DOC2B: variants seen among roughly 807,000 people sequenced by gnomAD.
DOC2B encodes the protein double C2-like domain-containing protein beta.
In DOC2B, 21 loss-of-function variants were observed where a neutral mutation model predicts 28.9. The ratio of observed to expected loss-of-function variants is 0.73; its 90% confidence interval spans 0.52 to 1.05. The LOEUF is 1.05. Among genes scored for constraint, DOC2B ranks in the 50% least tolerant of loss-of-function variants. The probability of loss-of-function intolerance (pLI) is 0.00; values close to 1 mark genes in which losing one functional copy is unlikely to be tolerated. For synonymous variants in DOC2B, 194 were observed against 178.1 expected, an observed-to-expected ratio of 1.09 and a Z score of -0.71; for missense variants, 384 against 421.1, an observed-to-expected ratio of 0.91 and a Z score of 0.77.
In DOC2B at chr17:162,087, G is replaced by A. The variant is rs1388828808; in HGVS notation, c.632C>T (p.Thr211Ile). The A allele has an allele frequency of 1.9e-6, 3 of 1,549,886 alleles. No homozygotes were observed. The highest frequency in any genetic ancestry group is 2.7e-5 in the African/African-American group (2 of 73,028). Reference sequence around the variant, plus strand: ...GCCTGGGACCCTCACCCACCGCAGGGTCTTGCGGATCATGTCTTCATCTGT... The same window carrying A: ...GCCTGGGACCCTCACCCACCGCAGGATCTTGCGGATCATGTCTTCATCTGT... ...GITDEDMIRK[T>I]LRISVCDEDK... The change falls in exon 4 of 9, where the codon ACC becomes ATC. Residue 211 changes from threonine (T) to isoleucine (I), a missense_variant. Transcript: ENST00000613549.
At position 181,624 on chromosome 17, in the gene DOC2B, G is replaced by A. The variant is rs2040446015; in HGVS notation, c.-145C>T. 2.8e-5 allele frequency: 6 copies of A among 216,398 alleles called. No homozygotes were observed. Among genetic ancestry groups the A allele is most frequent in the Non-Finnish European group, 4.6e-5 (6 of 129,346 alleles). The allele number at this position is 216,398 out of a possible 1,614,324, so 13.4% of individuals were successfully genotyped here. On this transcript the variant is annotated 5_prime_UTR_variant, in exon 1 of 9. Coordinates refer to ENST00000613549, the MANE Select transcript of DOC2B (RefSeq NM_003585.5). The surrounding 1 kb of genome is among the most constrained non-coding windows in gnomAD (Gnocchi z 7.0). ...GACGGCCCTGACTTGGCCGCTGCCC[G>A]CTCCGCTGCGGACGGCGCGAGCGAG...
At chr17:147,757 C>T (rs1315989944) in intron 8 of DOC2B, among the ~76,000 whole-genome samples, 180 bp from the exon 9 acceptor site, 4 of 152,236 alleles carry the variant, frequency 2.6e-5, no homozygotes, top group African/African-American at 4.8e-5. Flanking sequence ...GCCCAGCCAT[C>T]CTGTCTCTCT....
intron 6 of DOC2B, among the ~76,000 whole-genome samples, chr17:150,473 G>T (rs957337798): frequency 4.0e-5 from 6 of 150,084 alleles, no homozygotes; most frequent in Non-Finnish European, 8.9e-5. Context: ...ATTCTGCCCA[G>T]TTCCTCTCCA....
chr17:180,729 G>A (rs1252131205), intron 1 of DOC2B, among the ~76,000 whole-genome samples: 1 of 151,784 alleles, frequency 6.6e-6, no homozygotes, highest in Non-Finnish European at 1.5e-5. Context: ...GGCAGCAACT[G>A]GTGTCTCCCC....
intron 2 of DOC2B, among the ~76,000 whole-genome samples, chr17:165,904 A>G (rs2040257848): frequency 5.9e-5 from 9 of 152,192 alleles, no homozygotes; most frequent in Admixed American, 5.9e-4. Context: ...GTAGCTTAAA[A>G]TGTTTCCATT....
At chr17:173,631 C>T (rs918360147) in intron 1 of DOC2B, among the ~76,000 whole-genome samples, 4 of 152,130 alleles carry the variant, frequency 2.6e-5, no homozygotes, top group South Asian at 4.1e-4. Flanking sequence ...TCTGGTGAGC[C>T]GGGAGCCATG....
intron 5 of DOC2B, among the ~76,000 whole-genome samples, 195 bp from the exon 6 acceptor site, chr17:156,572 C>G (rs1555522570): frequency 6.6e-6 from 1 of 152,208 alleles, no homozygotes; most frequent in Non-Finnish European, 1.5e-5. Flanking sequence ...AGGGCTGGAT[C>G]TGACCCACAC....
intron 6 of DOC2B, among the ~76,000 whole-genome samples, chr17:150,455 T>C (rs2040060782): frequency 6.6e-6 from 1 of 152,074 alleles, no homozygotes; most frequent in African/African-American, 2.4e-5. Context: ...CACGCCCATG[T>C]CCAGCTTATT....
Position 157,687 on chromosome 17 carries a change from A to G in DOC2B, c.766-1310T>C, listed in dbSNP as rs572319773. Among the ~76,000 whole-genome samples, 9 of 152,128 alleles carry G rather than the reference A, an allele frequency of 5.9e-5. No homozygotes were observed. The East Asian group carries it at 1.5e-3, about 26-fold the overall frequency. On this transcript the variant is annotated intron_variant, in intron 5 of 8. Transcript: ENST00000613549. ...TCGAATTCCTGACCTCAAGTGATCC[A>G]CCCACCTCAGCCTCCTGAAGTGCTG...
In DOC2B at chr17:144,221, C is replaced by G. The variant is rs1297686677; in HGVS notation, c.*3220G>C. 21 of 152,116 alleles carry G rather than the reference C, an allele frequency of 1.4e-4. No individual in the cohort carries two copies. The highest frequency in any genetic ancestry group is 4.3e-4 in the African/African-American group (18 of 41,398). 9.4% of individuals were successfully genotyped at this position (152,116 alleles called of 1,614,324 possible). On this transcript the variant is annotated 3_prime_UTR_variant, in exon 9 of 9. Transcript: ENST00000613549. ...CCGAGTAAAGATGCCCATTCGGGGT[C>G]AAAGGCAGAGCCGCTTCTGCAGCTT...
intron 6 of DOC2B, among the ~76,000 whole-genome samples, chr17:152,162 C>G (rs1361406743): frequency 1.3e-5 from 2 of 152,142 alleles, no homozygotes; most frequent in African/African-American, 2.4e-5. Context: ...TGAGAAGAAA[C>G]CCCTTCTGGT....
At chr17:164,456 C>A (rs1021592055) in intron 2 of DOC2B, among the ~76,000 whole-genome samples, 5 of 152,154 alleles carry the variant, frequency 3.3e-5, no homozygotes, top group Non-Finnish European at 5.9e-5. Flanking sequence ...TTTCTCTTGT[C>A]CTCATCCTGG....
intron 6 of DOC2B, among the ~76,000 whole-genome samples, chr17:153,700 C>CAAAAAAAAAAA (rs986649114): frequency 7.2e-6 from 1 of 138,180 alleles, no homozygotes. Context: ...GACTCTGTCT[C>CAAAAAAAAAAA]AAAAAAAAAA....
At chr17:179,891 A>G (rs921023438) in intron 1 of DOC2B, among the ~76,000 whole-genome samples, 5 of 152,258 alleles carry the variant, frequency 3.3e-5, no homozygotes, top group African/African-American at 1.2e-4. Flanking sequence ...CTAACCGGCC[A>G]CTGCTGATGG....
At chr17:179,368 C>T (rs2040407721) in intron 1 of DOC2B, among the ~76,000 whole-genome samples, 1 of 147,458 alleles carries the variant, frequency 6.8e-6, no homozygotes, top group Non-Finnish European at 1.5e-5. Flanking sequence ...GCTTCCTGGT[C>T]CCCTCCTTGC....
intron 5 of DOC2B, among the ~76,000 whole-genome samples, chr17:159,981 T>C (rs1306247161): frequency 6.7e-6 from 1 of 149,002 alleles, no homozygotes; most frequent in Non-Finnish European, 1.5e-5. Context: ...GGTGTTGCTT[T>C]TTTTTTTTTT....
At chr17:172,438 G>A in intron 2 of DOC2B, 99 bp downstream of exon 2, 2 of 982,342 alleles carry the variant, frequency 2.0e-6, no homozygotes, top group South Asian at 1.7e-5. Context: ...CCAAAAGCCT[G>A]GACAGGAACC....
chr17:172,831 G>A (rs1053696262), intron 1 of DOC2B, among the ~76,000 whole-genome samples: 1 of 152,186 alleles, frequency 6.6e-6, no homozygotes, highest in African/African-American at 2.4e-5. Context: ...TTCCAGAGGA[G>A]GAGCTGAGAC....
At chr17:180,549 G>A (rs2040428362) in intron 1 of DOC2B, among the ~76,000 whole-genome samples, 1 of 152,110 alleles carries the variant, frequency 6.6e-6, no homozygotes, top group Non-Finnish European at 1.5e-5. Context: ...CGGTCCTCCT[G>A]GTCCTCTGCT....
Sources: gnomAD v4.1 joint callset for allele counts (sites outside exome capture counted in the v4.1 genomes callset) on GRCh38, gnomAD v4.1.1 for gene constraint, Gnocchi (gnomAD v3.1) non-coding constraint, MANE v1.5 for transcripts, NCBI Gene and HGNC (gene_info 2026-07-23, HGNC 2026-07-21) for gene names.